Variants in AFF3 observed in about 807,000 individuals in gnomAD.
AFF3 encodes the protein ALF transcription elongation factor 3.
In AFF3, 32 loss-of-function variants were observed where a neutral mutation model predicts 129.7. That is an observed-to-expected ratio of 0.25 (90% CI 0.19 to 0.33). AFF3 has a LOEUF of 0.33. Ranked by LOEUF, AFF3 falls within the 10% of genes least tolerant of loss-of-function variation. The pLI, the probability that AFF3 is intolerant of heterozygous loss-of-function variation, is 1.00. For synonymous variants in AFF3, 644 were observed against 635.4 expected (o/e 1.01, Z -0.20); for missense variants, 1,373 against 1,592.0 (o/e 0.86, Z 2.34).
chr2:99,849,355 T>C (rs1167999756), intron 7 of AFF3, among the ~76,000 whole-genome samples: 1 of 152,148 alleles, frequency 6.6e-6, no homozygotes, highest in East Asian at 1.9e-4. Context: ...TTCCCTAAGA[T>C]AGGATCCTCA....
chr2:99,582,693 A>G lies in AFF3; in HGVS notation c.2793+105T>C, dbSNP rs1203956486. 4.0e-6 allele frequency: 5 copies of G among 1,260,870 alleles called. 1 individual carries two copies. In the Admixed American group the frequency reaches 5.8e-5, roughly 15 times the overall value. The allele number at this position is 1,260,870 out of a possible 1,614,324, so 78.1% of individuals were successfully genotyped here. A position where few individuals can be genotyped will look rare whatever the true frequency, so the allele number is the denominator to read the frequency against. On this transcript the variant is annotated intron_variant, in intron 17 of 24. Transcript: ENST00000672756. The stretch of plus-strand genomic sequence containing the variant: ...AAGCGGGAGGCATTCAGGAATTCTC[A>G]AGGGACCTCAAGCATGTGTTCAGAC...
chr2:99,575,654 T>C (rs991163990), intron 18 of AFF3, among the ~76,000 whole-genome samples: 2 of 152,200 alleles, frequency 1.3e-5, no homozygotes, highest in African/African-American at 4.8e-5. Flanking sequence ...TTTACTGTTA[T>C]GGATTTCAAA....
At chr2:99,551,902 T>G (rs1674444328) in intron 24 of AFF3, among the ~76,000 whole-genome samples, 1 of 152,162 alleles carries the variant, frequency 6.6e-6, no homozygotes, top group Non-Finnish European at 1.5e-5. Context: ...TGCTTCCCAC[T>G]CCTGAACGTG....
intron 7 of AFF3, among the ~76,000 whole-genome samples, chr2:99,985,135 T>G (rs1338738906): frequency 6.6e-6 from 1 of 152,212 alleles, no homozygotes; most frequent in African/African-American, 2.4e-5. Context: ...CTGGAAATTG[T>G]GTACTGGATA....
chr2:99,619,143 A>T (rs1681745869), intron 13 of AFF3, among the ~76,000 whole-genome samples: 1 of 152,216 alleles, frequency 6.6e-6, no homozygotes, highest in African/African-American at 2.4e-5. Context: ...GTCTGGAATC[A>T]CATTTGGCTC....
rs564075182 is a variant in AFF3 at position 99,545,526 on chromosome 2, A to G, written c.*5948T>C. 1 of 152,330 alleles carries G rather than the reference A, an allele frequency of 6.6e-6. No individual in the cohort carries two copies. The highest frequency in any genetic ancestry group is 2.1e-4 in the South Asian group (1 of 4,826). 9.4% of individuals were successfully genotyped at this position (152,330 alleles called of 1,614,324 possible). On this transcript the variant is annotated 3_prime_UTR_variant, in exon 25 of 25. Transcript: ENST00000672756. ...CAAGTATTTCTGGATGAGCTTTCCT[A>G]TTTTAAAAATGGGTAAAAAAAACAA...
intron 11 of AFF3, among the ~76,000 whole-genome samples, chr2:99,685,196 C>T (rs1322838604): frequency 2.0e-5 from 3 of 152,212 alleles, no homozygotes; most frequent in East Asian, 1.9e-4. Flanking sequence ...CTGCCTCAGA[C>T]TCCCAAAGTG....
chr2:100,066,825 G>A (rs12329175), intron 4 of AFF3, among the ~76,000 whole-genome samples: 1,895 of 152,214 alleles, frequency 0.012, 42 homozygotes, highest in African/African-American at 0.043. Flanking sequence ...ATTCCTGAAG[G>A]ACCTTTTGAT....
At chr2:100,076,593 C>T (rs781348638) in intron 4 of AFF3, among the ~76,000 whole-genome samples, 43 of 152,292 alleles carry the variant, frequency 2.8e-4, no homozygotes, top group Admixed American at 1.3e-3. Context: ...TCCAAGTAAA[C>T]AGCACACTCT....
At chr2:99,948,316 T>C (rs1253734269) in intron 7 of AFF3, among the ~76,000 whole-genome samples, 1 of 152,146 alleles carries the variant, frequency 6.6e-6, no homozygotes, top group African/African-American at 2.4e-5. Flanking sequence ...CTCACCCCTT[T>C]ATGAAGCTCC....
chr2:99,598,715 A>C (rs1490246318), intron 14 of AFF3, among the ~76,000 whole-genome samples: 1 of 152,214 alleles, frequency 6.6e-6, no homozygotes, highest in Non-Finnish European at 1.5e-5. Context: ...GTGCATGGCT[A>C]TGAAGAGCCT....
intron 7 of AFF3, among the ~76,000 whole-genome samples, chr2:99,853,227 TA>T (rs1175334248): frequency 1.3e-5 from 2 of 152,160 alleles, no homozygotes; most frequent in Non-Finnish European, 2.9e-5. Flanking sequence ...TACAGCAGGT[TA>T]AAAAAATAAT....
chr2:99,706,502 C>T (rs934656250), intron 11 of AFF3, among the ~76,000 whole-genome samples: 1 of 152,170 alleles, frequency 6.6e-6, no homozygotes, highest in Non-Finnish European at 1.5e-5. Context: ...CTGGAAAGAG[C>T]CTGGCTTTGG....
intron 11 of AFF3, among the ~76,000 whole-genome samples, chr2:99,696,043 T>C (rs769277458): frequency 6.9e-6 from 1 of 144,162 alleles, no homozygotes; most frequent in Non-Finnish European, 1.5e-5. Flanking sequence ...ACATTAGTCA[T>C]CCCTTTCCCA....
intron 7 of AFF3, among the ~76,000 whole-genome samples, chr2:99,999,932 G>A (rs1037126689): frequency 2.6e-5 from 4 of 152,182 alleles, no homozygotes; most frequent in Admixed American, 6.5e-5. Context: ...GCATCTCTTG[G>A]TCCCACAGCC....
intron 1 of AFF3, among the ~76,000 whole-genome samples, chr2:100,139,547 TA>T (rs1367361958): frequency 6.6e-6 from 1 of 151,930 alleles, no homozygotes; most frequent in Non-Finnish European, 1.5e-5. Context: ...TTAGTGCAGA[TA>T]AAAACTACAA....
chr2:99,637,476 T>C (rs1683773646), intron 13 of AFF3, among the ~76,000 whole-genome samples: 1 of 152,208 alleles, frequency 6.6e-6, no homozygotes, highest in African/African-American at 2.4e-5. Flanking sequence ...GCGTTTGGAT[T>C]GCTTTTGAGG....
chr2:99,946,578 T>C (rs1411114688), intron 7 of AFF3, among the ~76,000 whole-genome samples: 1 of 149,454 alleles, frequency 6.7e-6, no homozygotes, highest in Non-Finnish European at 1.5e-5. Flanking sequence ...TCTGCAGAAT[T>C]TCCCCATACC....
chr2:100,133,327 C>A (rs562631146), intron 1 of AFF3, among the ~76,000 whole-genome samples: 96 of 152,188 alleles, frequency 6.3e-4, no homozygotes, highest in African/African-American at 2.2e-3. Flanking sequence ...CACTCATCCA[C>A]AATTCCATCA....
Sources: gnomAD v4.1 joint callset for allele counts (sites outside exome capture counted in the v4.1 genomes callset) on GRCh38, gnomAD v4.1.1 for gene constraint, MANE v1.5 for transcripts, NCBI Gene and HGNC (gene_info 2026-07-23, HGNC 2026-07-21) for gene names.